SLC12A9: variants seen among roughly 807,000 people sequenced by gnomAD.
SLC12A9 encodes the protein CCC-interacting protein 1.
In SLC12A9, 55 loss-of-function variants were observed where a neutral mutation model predicts 66.0. The ratio of observed to expected loss-of-function variants is 0.83; its 90% CI spans 0.67 to 1.04. SLC12A9 has a LOEUF of 1.04. Ranked by LOEUF, SLC12A9 falls within the 50% of genes least tolerant of loss-of-function variation. The probability of loss-of-function intolerance (pLI) is 0.00; values close to 1 mark genes in which losing one functional copy is unlikely to be tolerated. For missense variants in SLC12A9, 1,061 were observed against 1,241.9 expected (o/e 0.85, Z 2.19); for synonymous variants, 577 against 569.0 (o/e 1.01, Z -0.20).
rs1814761019 is a variant in SLC12A9 at position 100,861,641 on chromosome 7, C to G, written c.1536+57C>G. 21 of 1,606,950 alleles carry G rather than the reference C, an allele frequency of 1.3e-5. No homozygotes were observed. In the Admixed American group the frequency reaches 3.3e-4, roughly 26 times the overall value. On this transcript the variant is annotated intron_variant, in intron 11 of 13. Transcript: ENST00000354161. The surrounding 1 kb of genome is among the most constrained non-coding windows in gnomAD (Gnocchi z 5.3). ...GGGAGGTGGTCAAAGAACCCCCTCT[C>G]TCTTTGGCTGGAGTTGGTGCTCCCG...
In SLC12A9 at chr7:100,854,772, TGGA is replaced by T. The variant is rs776644536; in HGVS notation, c.316+19_316+21del. ...AGCCTACTGTATCCTCCAACATCGA[TGGA>T]CTGGGGTCTGGCCTGTTCTGCCTGC... On this transcript the variant is annotated intron_variant, in intron 3 of 13. Transcript: ENST00000354161. 5.0e-6 allele frequency: 8 copies of T among 1,613,518 alleles called. No individual in the cohort carries two copies. Among genetic ancestry groups the T allele is most frequent in the Middle Eastern group, 1.7e-4 (1 of 6,058 alleles).
Position 100,857,099 on chromosome 7 carries a change from C to T in SLC12A9, c.680C>T (p.Pro227Leu), listed in dbSNP as rs777910475. ...ATCCGCTTGACTCCTAGGCCTGGCC[C>T]CAATGGCTCCTCCCTGCCGCCCCGG... ...RDIRLTPRPGPNGSSLPPRFG... is the reference protein window; with the variant it reads ...RDIRLTPRPGLNGSSLPPRFG... Residue 227 changes from proline (P) to leucine (L), a missense_variant, in exon 5 of 14, where the codon CCC (proline) becomes CTC (leucine). Physicochemically the swap from Pro to Leu is moderately conservative, Grantham distance 98. Transcript: ENST00000354161. 3.1e-6 allele frequency: 5 copies of T among 1,614,188 alleles called. No individual in the cohort carries two copies. In the South Asian group the frequency reaches 5.5e-5, roughly 18 times the overall value.
intron 1 of SLC12A9, chr7:100,837,692 C>T (rs921668122): frequency 6.6e-6 from 1 of 152,218 alleles, no homozygotes; most frequent in East Asian, 1.9e-4. Context: ...CAGGATCTCT[C>T]TCTGTTGCCT....
At position 100,854,672 on chromosome 7, in the gene SLC12A9, T is replaced by C; in HGVS notation, c.234T>C (p.Val78=). The C allele has an allele frequency of 6.2e-7, 1 of 1,614,038 alleles. No homozygotes were observed. The highest frequency in any genetic ancestry group is 8.5e-7 in the Non-Finnish European group (1 of 1,179,988). ...TGCAGGCCCTGGCCATGCTGCTGGT[T>C]GCCTACTTCATCCTGGCACTCACCG... The part of the protein sequence containing the change: ...GLLQALAMLL[V]AYFILALTVL... Residue 78 remains valine, a synonymous_variant, in exon 3 of 14, where the codon GTT becomes GTC. Coordinates refer to ENST00000354161, the MANE Select transcript of SLC12A9 (RefSeq NM_020246.4).
chr7:100,854,855 G>A, intron 3 of SLC12A9, 101 bp downstream of exon 3: 1 of 1,502,590 alleles, frequency 6.7e-7, no homozygotes, highest in South Asian at 1.2e-5. Flanking sequence ...CAAGACAAGT[G>A]TTTTTTTCAT....
rs1814743474 is a variant in SLC12A9 at position 100,861,407 on chromosome 7, G to A, written c.1359G>A (p.Leu453=). Residue 453 remains leucine (L), a synonymous_variant, in exon 11 of 14, where the codon CTG becomes CTA. Coordinates refer to ENST00000354161, the MANE Select transcript of SLC12A9 (RefSeq NM_020246.4). The surrounding 1 kb of genome is among the most constrained non-coding windows in gnomAD (Gnocchi z 5.3). ...SAPNFRPTFS[L]FSWHTCLLGV... ...ATGCCCGCAGCCCCACCTTCAGCCT[G>A]TTCTCCTGGCACACCTGCCTGCTGG... is the stretch of plus-strand genomic sequence containing the variant. 6.2e-7 allele frequency: 1 copy of A among 1,613,626 alleles called. No homozygotes were observed. Among genetic ancestry groups the A allele is most frequent in the Non-Finnish European group, 8.5e-7 (1 of 1,180,006 alleles).
chr7:100,864,514 G>A (rs1428571213), intron 13 of SLC12A9, among the ~76,000 whole-genome samples: 1 of 136,174 alleles, frequency 7.3e-6, no homozygotes, highest in Non-Finnish European at 1.6e-5. Flanking sequence ...CTTGGAAGAG[G>A]TCTCTGCGTC....
At chr7:100,857,243 T>TA (rs1435028431) in intron 5 of SLC12A9, 67 bp downstream of exon 5, 95 of 1,522,828 alleles carry the variant, frequency 6.2e-5, no homozygotes, top group Middle Eastern at 2.4e-4. Context: ...GCCGGGCCCG[T>TA]AAAACCTCTG....
chr7:100,826,882 G>C (rs906591137), exon 1 of SLC12A9: 1 of 1,409,560 alleles, frequency 7.1e-7, no homozygotes, highest in Non-Finnish European at 9.6e-7. Flanking sequence ...GCCCGGGTAG[G>C]GGTAGTCAGA....
At chr7:100,860,645 G>A in intron 9 of SLC12A9, 2 of 365,992 alleles carry the variant, frequency 5.5e-6, no homozygotes, top group South Asian at 2.3e-5. Flanking sequence ...GGCACTCTGT[G>A]GGAGTGCATT....
At chr7:100,837,038 G>C (rs1370744145) in intron 1 of SLC12A9, among the ~76,000 whole-genome samples, 2 of 152,144 alleles carry the variant, frequency 1.3e-5, no homozygotes, top group East Asian at 3.9e-4. Flanking sequence ...TCACCTAATA[G>C]GTTGACAGGG....
chr7:100,833,710 G>A (rs1426603070), intron 1 of SLC12A9, among the ~76,000 whole-genome samples: 1 of 151,878 alleles, frequency 6.6e-6, no homozygotes, highest in Non-Finnish European at 1.5e-5. Context: ...TGAGGTGGGC[G>A]GATCACGAAG....
At chr7:100,833,936 A>C (rs1226223437) in intron 1 of SLC12A9, among the ~76,000 whole-genome samples, 2 of 90,580 alleles carry the variant, frequency 2.2e-5, no homozygotes, top group Non-Finnish European at 5.1e-5. Context: ...CTGTCTCAAA[A>C]AAAAAAAAAA....
intron 5 of SLC12A9, 26 bp downstream of exon 5, chr7:100,857,202 G>T (rs1201737644): frequency 1.3e-6 from 2 of 1,593,314 alleles, no homozygotes; most frequent in Admixed American, 3.4e-5. Context: ...CCGTGGCAGG[G>T]ATCTCGGGGT....
chr7:100,860,227 G>A lies in SLC12A9; in HGVS notation c.1213G>A (p.Val405Met), dbSNP rs766988179. The A allele has an allele frequency of 2.5e-6, 4 of 1,613,864 alleles. No individual in the cohort carries two copies. The African/African-American group carries it at 4.0e-5, about 16-fold the overall frequency. Residue 405 changes from valine (V) to methionine (M), a missense_variant, in exon 9 of 14, where the codon GTG becomes ATG. Val to Met is a conservative substitution (Grantham distance 21). Transcript: ENST00000354161. ...WAAVLYSWGL[V>M]QLVLLAGKLN... ...AGCTGTACTTTATTCTTGGGGCCTGGTGCAGGTGAGCCTTCTTCTTCAAGG... is the reference window on the plus strand; with the variant it reads ...AGCTGTACTTTATTCTTGGGGCCTGATGCAGGTGAGCCTTCTTCTTCAAGG...
intron 4 of SLC12A9, chr7:100,856,510 T>G: frequency 1.4e-5 from 1 of 70,374 alleles, no homozygotes; most frequent in Non-Finnish European, 3.6e-5. Context: ...GCCCTGCCCC[T>G]TCTTCTTTTT....
At chr7:100,858,976 T>C in intron 6 of SLC12A9, 34 bp downstream of exon 6, 1 of 1,613,176 alleles carries the variant, frequency 6.2e-7, no homozygotes, top group Non-Finnish European at 8.5e-7. Flanking sequence ...CCTGGGGGTT[T>C]GGGGCTGCCA....
At position 100,862,827 on chromosome 7, in the gene SLC12A9, G is replaced by C. The variant is rs1373026414; in HGVS notation, c.1858G>C (p.Gly620Arg). Residue 620 changes from glycine to arginine, a missense_variant and splice_region_variant, in exon 13 of 14, where the codon GGT (glycine) becomes CGT (arginine). Transcript: ENST00000354161. Reference sequence around the variant, plus strand: ...GCATCTGCTGCGAATCTCCGGCCTCGGTGAGCTGCTTCTCCCTGGATGCCC... The same window carrying C: ...GCATCTGCTGCGAATCTCCGGCCTCCGTGAGCTGCTTCTCCCTGGATGCCC... ...AQHLLRISGL[G>R]GMKPNTLVLG... The C allele has an allele frequency of 6.2e-7, 1 of 1,613,980 alleles. No individual in the cohort carries two copies. Among genetic ancestry groups the C allele is most frequent in the Non-Finnish European group, 8.5e-7 (1 of 1,180,024 alleles).
intron 7 of SLC12A9, chr7:100,859,640 G>C: frequency 2.0e-6 from 1 of 499,060 alleles, no homozygotes; most frequent in Non-Finnish European, 3.5e-6. Context: ...GAGTCCAAGA[G>C]GTCGAGGCTG....
Sources: gnomAD v4.1 joint callset for allele counts (sites outside exome capture counted in the v4.1 genomes callset) on GRCh38, gnomAD v4.1.1 for gene constraint, Gnocchi (gnomAD v3.1) non-coding constraint, MANE v1.5 for transcripts, NCBI Gene and HGNC (gene_info 2026-07-23, HGNC 2026-07-21) for gene names.